Variants in GPR19 observed in about 807,000 individuals in gnomAD.
GPR19 encodes the protein G protein-coupled receptor 19, also known as probable G protein-coupled receptor 19.
In GPR19, 14 loss-of-function variants were observed where a neutral mutation model predicts 28.5. The ratio of observed to expected loss-of-function variants is 0.49; its 90% CI spans 0.32 to 0.77. The LOEUF is 0.77. GPR19 is among the 30% of genes least tolerant of loss of function. The pLI, the probability that GPR19 is intolerant of heterozygous loss-of-function variation, is 0.03. For missense variants in GPR19, 409 were observed against 504.1 expected (o/e 0.81, Z 1.81); for synonymous variants, 173 against 184.1 (o/e 0.94, Z 0.49).
intron 2 of GPR19, among the ~76,000 whole-genome samples, chr12:12,687,929 ATC>A (rs1421805052): frequency 5.9e-5 from 9 of 152,204 alleles, no homozygotes; most frequent in Non-Finnish European, 1.3e-4. Flanking sequence ...CTGCACTCTA[ATC>A]TGGGAGACAG....
At chr12:12,709,546 TCCTCCA>T in the GPR19 span, among the ~76,000 whole-genome samples, 1 of 152,126 alleles carries the variant, frequency 6.6e-6, no homozygotes, top group African/African-American at 2.4e-5. Flanking sequence ...GCTCAAGGGA[TCCTCCA>T]CCTCCACCTG....
chr12:12,709,032 A>T, the GPR19 span, among the ~76,000 whole-genome samples: 1 of 147,664 alleles, frequency 6.8e-6, no homozygotes, highest in Non-Finnish European at 1.5e-5. Flanking sequence ...TGGGTGACAG[A>T]GCAAGACTCC....
chr12:12,714,451 TTTCTC>T, the GPR19 span, among the ~76,000 whole-genome samples: 1 of 152,162 alleles, frequency 6.6e-6, no homozygotes, highest in East Asian at 1.9e-4. Flanking sequence ...ACACAGGTGT[TTTCTC>T]TTAAGTTATT....
the GPR19 span, among the ~76,000 whole-genome samples, chr12:12,712,598 C>A: frequency 6.6e-6 from 1 of 152,218 alleles, no homozygotes; most frequent in Non-Finnish European, 1.5e-5. Flanking sequence ...TATATCACTT[C>A]TTCCATGAGG....
chr12:12,686,378 T>C (rs972426597), intron 2 of GPR19, among the ~76,000 whole-genome samples: 2 of 152,234 alleles, frequency 1.3e-5, no homozygotes, highest in African/African-American at 2.4e-5. Flanking sequence ...ATTTTAACAC[T>C]TGACATTTTA....
chr12:12,678,923 T>C (rs1169394040), intron 3 of GPR19, among the ~76,000 whole-genome samples: 1 of 152,154 alleles, frequency 6.6e-6, no homozygotes, highest in East Asian at 1.9e-4. Flanking sequence ...CAGCTTCATG[T>C]GTAACTGGAA....
Position 12,661,702 on chromosome 12 carries a change from A to G in GPR19, c.747T>C (p.Tyr249=). ...IILFYQKVIK[Y]IWRIGTDGRT... ...GGCCATCTGTGCCTATTCTCCAAAT[A>G]TATTTTATGACCTTTTGGTAAAATA... The change falls in exon 4 of 4, where the codon TAT becomes TAC. Residue 249 remains tyrosine, a synonymous_variant. Transcript: ENST00000651487. This position sits in a 1 kb window ranked among gnomAD's most constrained non-coding sequence, Gnocchi z 4.2. The G allele has an allele frequency of 6.2e-7, 1 of 1,614,200 alleles. No individual in the cohort carries two copies. Among genetic ancestry groups the G allele is most frequent in the Non-Finnish European group, 8.5e-7 (1 of 1,180,018 alleles).
intron 2 of GPR19, chr12:12,684,845 C>G (rs1039984976): frequency 5.9e-5 from 9 of 152,132 alleles, no homozygotes; most frequent in Non-Finnish European, 8.8e-5. Context: ...TTCAGAGTTG[C>G]TCAGTATGGG....
At chr12:12,664,894 T>A (rs978066564) in intron 3 of GPR19, among the ~76,000 whole-genome samples, 3 of 114,084 alleles carry the variant, frequency 2.6e-5, no homozygotes, top group African/African-American at 1.1e-4. Flanking sequence ...CACTCCAGGC[T>A]GGGCGACGGG....
At chr12:12,698,283 G>A (rs1041213422), upstream of GPR19, among the ~76,000 whole-genome samples, 3 of 152,200 alleles carry the variant, frequency 2.0e-5, no homozygotes, top group Non-Finnish European at 4.4e-5. Flanking sequence ...TGGTAATTTA[G>A]TCTGCCCCGT....
intron 3 of GPR19, among the ~76,000 whole-genome samples, chr12:12,665,819 C>CAAAAAAAAAAAAAAAAAAAAAAAA (rs528302150): frequency 1.3e-5 from 1 of 75,736 alleles, no homozygotes; most frequent in African/African-American, 6.0e-5. Context: ...GACTCCGTCT[C>CAAAAAAAAAAAAAAAAAAAAAAAA]AAAAAAAAAA....
intron 3 of GPR19, among the ~76,000 whole-genome samples, chr12:12,664,350 T>C (rs1306565076): frequency 6.6e-6 from 1 of 152,088 alleles, no homozygotes; most frequent in African/African-American, 2.4e-5. Context: ...TGTTAATATA[T>C]ATAATCTTCA....
intron 3 of GPR19, 46 bp from the exon 4 acceptor site, chr12:12,662,516 A>AT (rs1945695441): frequency 7.0e-7 from 1 of 1,419,220 alleles, no homozygotes; most frequent in Non-Finnish European, 9.7e-7. Context: ...AAAAGGTGTC[A>AT]TACAGATTGG....
At chr12:12,673,905 G>A (rs987205447) in intron 3 of GPR19, among the ~76,000 whole-genome samples, 2 of 152,008 alleles carry the variant, frequency 1.3e-5, no homozygotes, top group African/African-American at 4.8e-5. Context: ...AACTTTAGTT[G>A]CTGTGTAGGT....
At chr12:12,665,533 C>G (rs12304558) in intron 3 of GPR19, among the ~76,000 whole-genome samples, 1 of 152,158 alleles carries the variant, frequency 6.6e-6, no homozygotes, top group Non-Finnish European at 1.5e-5. Context: ...AGAAACTGGG[C>G]TAGGTATTAA....
the GPR19 span, among the ~76,000 whole-genome samples, chr12:12,708,670 A>G: frequency 6.6e-6 from 1 of 152,196 alleles, no homozygotes; most frequent in Non-Finnish European, 1.5e-5. Context: ...TCAGAGCTTC[A>G]TCTGCAAGAG....
At chr12:12,699,376 C>T (rs1442689914), upstream of GPR19, among the ~76,000 whole-genome samples, 1 of 152,100 alleles carries the variant, frequency 6.6e-6, no homozygotes, top group African/African-American at 2.4e-5. Context: ...ATATTAGGGC[C>T]AAATTGCAGG....
chr12:12,683,406 G>A (rs150457695), intron 3 of GPR19, among the ~76,000 whole-genome samples: 73 of 152,330 alleles, frequency 4.8e-4, no homozygotes, highest in African/African-American at 1.7e-3. Context: ...AATATGAGCA[G>A]GCAAGCAGCA....
At position 12,661,600 on chromosome 12, in the gene GPR19, CAG is replaced by C. The variant is rs899420556; in HGVS notation, c.847_848del (p.Leu283ValfsTer19). Reference sequence around the variant, plus strand: ...AAGGCAGCCAGGAGAGCAAAAACAACAGATTTAAAATGAGGAACATCTTGATA... The same window carrying C: ...AAGGCAGCCAGGAGAGCAAAAACAACATTTAAAATGAGGAACATCTTGATA... Reference protein sequence around the residue: ...KTIKMFLILNLLFLLSWLPFH... With the variant: ...KTIKMFLILNXLFLLSWLPFH... On this transcript the variant is annotated frameshift_variant, in exon 4 of 4. Coordinates refer to ENST00000651487, the MANE Select transcript of GPR19 (RefSeq NM_006143.3). LOFTEE classifies it high-confidence loss of function. The surrounding 1 kb of genome is among the most constrained non-coding windows in gnomAD (Gnocchi z 4.2). 1 of 1,613,936 alleles carries C rather than the reference CAG, an allele frequency of 6.2e-7. No homozygotes were observed. Among genetic ancestry groups the C allele is most frequent in the Non-Finnish European group, 8.5e-7 (1 of 1,179,958 alleles).
Sources: allele counts gnomAD v4.1 joint callset (sites outside exome capture counted in the v4.1 genomes callset), GRCh38; gene constraint gnomAD v4.1.1; non-coding constraint Gnocchi (gnomAD v3.1); transcripts MANE v1.5; gene names NCBI Gene and HGNC (gene_info 2026-07-23, HGNC 2026-07-21).